The following DLG5 variants were observed in gnomAD, a reference collection of about 807,000 sequenced individuals.
DLG5 encodes the protein discs large MAGUK scaffold protein 5.
In DLG5, 48 loss-of-function variants were observed where a neutral mutation model predicts 189.8. That is an observed-to-expected ratio of 0.25 (90% confidence interval 0.20 to 0.32). The LOEUF (loss-of-function observed/expected upper bound fraction) is 0.32. DLG5 is among the 10% of genes least tolerant of loss of function. The probability of loss-of-function intolerance (pLI) is 1.00; values close to 1 mark genes in which losing one functional copy is unlikely to be tolerated. For missense variants in DLG5, 2,160 were observed against 2,544.7 expected, an observed-to-expected ratio of 0.85 and a Z score of 3.25; for synonymous variants, 1,016 against 1,054.1, an observed-to-expected ratio of 0.96 and a Z score of 0.70.
At chr10:77,840,994 C>T (rs1843389510) in intron 7 of DLG5, among the ~76,000 whole-genome samples, 1 of 152,188 alleles carries the variant, frequency 6.6e-6, no homozygotes. Flanking sequence ...CTTTTTGCTT[C>T]TCATAAACCA....
chr10:77,793,657 C>A lies in DLG5; in HGVS notation c.5656+351G>T, dbSNP rs1398620952. 7 of 281,470 alleles carry A rather than the reference C, an allele frequency of 2.5e-5. No homozygotes were observed. In the Admixed American group the frequency reaches 3.6e-4, roughly 14 times the overall value. The allele number at this position is 281,470 out of a possible 1,614,324, so 17.4% of individuals were successfully genotyped here. On this transcript the variant is annotated intron_variant, in intron 31 of 31. Coordinates refer to ENST00000372391, the MANE Select transcript of DLG5 (RefSeq NM_004747.4). ...GGGCCCCTAGCCTCCGCTGCCCACA[C>A]TGCTGGCACACTGGGGGCTGCTCCA...
At chr10:77,809,866 C>T in intron 23 of DLG5, 136 bp from the exon 24 acceptor site, 1 of 1,031,264 alleles carries the variant, frequency 9.7e-7, no homozygotes, top group Non-Finnish European at 1.4e-6. Flanking sequence ...GAGGTGGCCT[C>T]TAGTTCTACT....
At chr10:77,894,593 C>A (rs1845705553) in intron 1 of DLG5, among the ~76,000 whole-genome samples, 1 of 142,442 alleles carries the variant, frequency 7.0e-6, no homozygotes, top group Non-Finnish European at 1.5e-5. Flanking sequence ...GCTCAGAATC[C>A]CAAGTAACCC....
chr10:77,821,349 A>G lies in DLG5; in HGVS notation c.3135T>C (p.Thr1045=), dbSNP rs777599429. 6.2e-7 allele frequency: 1 copy of G among 1,612,906 alleles called. No homozygotes were observed. The highest frequency in any genetic ancestry group is 1.1e-5 in the South Asian group (1 of 91,082). Residue 1045 remains threonine (T), a synonymous_variant, in exon 15 of 32, where the codon ACT becomes ACC. Coordinates refer to ENST00000372391, the MANE Select transcript of DLG5 (RefSeq NM_004747.4). The stretch of plus-strand genomic sequence containing the variant: ...CAGGGGGCAGGGCGCTCGGGGGACT[A>G]GTGGATGGGGAGCTGCCCACCAGAG... ...EATLVGSSPS[T]SPPSALPPDV... is the part of the protein sequence containing the mutation.
the DLG5 span, among the ~76,000 whole-genome samples, chr10:77,937,837 C>T: frequency 6.7e-6 from 1 of 150,308 alleles, no homozygotes; most frequent in East Asian, 1.9e-4. Context: ...CCTGCCTCAG[C>T]CTCCTGAGTA....
In DLG5 at chr10:77,811,116, G is replaced by T. The variant is rs750293302; in HGVS notation, c.4441C>A (p.Pro1481Thr). ...GACCTGGAGCTGCTCTGCTTGGCTG[G>T]GGGGGTGCTAGGCCCCTCGTCCTGC... Reference protein sequence around the residue: ...MEQDEGPSTPPAKQSSSRIAG... With the variant: ...MEQDEGPSTPTAKQSSSRIAG... The change falls in exon 23 of 32, where the codon CCA becomes ACA. Residue 1481 changes from proline (P) to threonine (T), a missense_variant. Pro to Thr is a conservative substitution (Grantham distance 38, BLOSUM62 -1). Around this residue, in one of 5 missense-constraint regions of DLG5, gnomAD observed 574 missense variants for 644.2 expected, o/e 0.89. Transcript: ENST00000372391. The T allele has an allele frequency of 1.2e-6, 2 of 1,611,926 alleles. No individual in the cohort carries two copies. The highest frequency in any genetic ancestry group is 1.7e-6 in the Non-Finnish European group (2 of 1,179,928).
chr10:77,918,434 G>A (rs1265153186), intron 1 of DLG5, among the ~76,000 whole-genome samples: 1 of 151,946 alleles, frequency 6.6e-6, no homozygotes. Context: ...GGTTCAAATG[G>A]TAAATTTCAT....
chr10:77,837,551 T>C (rs1843207301), intron 7 of DLG5, among the ~76,000 whole-genome samples: 1 of 152,158 alleles, frequency 6.6e-6, no homozygotes, highest in Non-Finnish European at 1.5e-5. Flanking sequence ...TTATAAGGAA[T>C]ACAAGAAGTA....
In DLG5 at chr10:77,809,591, C is replaced by T. The variant is rs770053362; in HGVS notation, c.4603G>A (p.Ala1535Thr). Residue 1535 changes from alanine (A) to threonine (T), a missense_variant, in exon 24 of 32, where the codon GCC (alanine) becomes ACC (threonine). Ala to Thr is a moderately conservative substitution (Grantham distance 58). This residue lies in a region of DLG5 where 574 missense variants were observed against 644.2 expected (regional missense o/e 0.89). Transcript: ENST00000372391. Reference protein sequence around the residue: ...FVAEVEDDSPAKGPDGLVPGD... With the variant: ...FVAEVEDDSPTKGPDGLVPGD... The stretch of plus-strand genomic sequence containing the variant: ...GGCACGAGGCCGTCAGGACCCTTGG[C>T]AGGACTGTCATCCTCCACCTCGGCC... 3 of 1,614,146 alleles carry T rather than the reference C, an allele frequency of 1.9e-6. No homozygotes were observed. The highest frequency in any genetic ancestry group is 2.5e-6 in the Non-Finnish European group (3 of 1,180,014).
At chr10:77,873,218 T>G (rs1844975067) in intron 1 of DLG5, among the ~76,000 whole-genome samples, 1 of 152,116 alleles carries the variant, frequency 6.6e-6, no homozygotes, top group Non-Finnish European at 1.5e-5. Flanking sequence ...ATAAGGAGAT[T>G]CTTTACTATC....
intron 1 of DLG5, among the ~76,000 whole-genome samples, chr10:77,925,581 A>T (rs1846660048): frequency 6.6e-6 from 1 of 152,160 alleles, no homozygotes; most frequent in Admixed American, 6.5e-5. Context: ...TCAGGGAGAG[A>T]ACTTAGCCCC....
At chr10:77,892,721 C>A (rs1845646517) in intron 1 of DLG5, among the ~76,000 whole-genome samples, 1 of 152,220 alleles carries the variant, frequency 6.6e-6, no homozygotes. Context: ...CCTCACAGGG[C>A]CAGGCAGCCA....
Position 77,896,608 on chromosome 10 carries a change from AG to A in DLG5, c.305-27412del, listed in dbSNP as rs373506579. ...GTAATCCCAGCACTTTGGGAGGCCA[AG>A]GGGGGGTGGATCACTGAGGTCAGGA... is the stretch of plus-strand genomic sequence containing the variant. On this transcript the variant is annotated intron_variant, in intron 1 of 31. Coordinates refer to ENST00000372391, the MANE Select transcript of DLG5 (RefSeq NM_004747.4). Among the ~76,000 whole-genome samples, 551 of 152,192 alleles carry A rather than the reference AG, an allele frequency of 3.6e-3. 3 individuals are homozygous for A. The highest frequency in any genetic ancestry group is 0.024 in the South Asian group (117 of 4,816).
intron 1 of DLG5, among the ~76,000 whole-genome samples, chr10:77,902,456 G>A (rs1332167931): frequency 6.6e-6 from 1 of 152,174 alleles, no homozygotes; most frequent in African/African-American, 2.4e-5. Context: ...AGCATGAGGT[G>A]ATGCACCGCA....
chr10:77,793,551 T>G, intron 31 of DLG5: 1 of 126,882 alleles, frequency 7.9e-6, no homozygotes. Flanking sequence ...TTGTTTTGTT[T>G]TTTGTTTTTT....
At chr10:77,801,628 A>G (rs1841209113) in intron 27 of DLG5, among the ~76,000 whole-genome samples, 1 of 152,218 alleles carries the variant, frequency 6.6e-6, no homozygotes, top group African/African-American at 2.4e-5. Flanking sequence ...AAAGAAAACC[A>G]CACGGGGGAA....
At chr10:77,876,683 GAGGAAGGAAGGA>G (rs1425780887) in intron 1 of DLG5, among the ~76,000 whole-genome samples, 1 of 97,298 alleles carries the variant, frequency 1.0e-5, no homozygotes, top group Non-Finnish European at 2.0e-5. Flanking sequence ...TTTTTTCTAA[GAGGAAGGAAGGA>G]AGGAAGGAAG....
chr10:77,906,534 T>C (rs1045265716), intron 1 of DLG5, among the ~76,000 whole-genome samples: 8 of 151,696 alleles, frequency 5.3e-5, no homozygotes, highest in African/African-American at 1.9e-4. Context: ...CAAAATGCCA[T>C]CAATCCCACC....
chr10:77,816,851 C>T (rs1842079730), intron 19 of DLG5, 150 bp from the exon 20 acceptor site: 1 of 1,367,300 alleles, frequency 7.3e-7, no homozygotes, highest in Admixed American at 2.0e-5. Context: ...GCATTGCCCC[C>T]TACCCCCCAC....
Sources: gnomAD v4.1 joint callset for allele counts (sites outside exome capture counted in the v4.1 genomes callset) on GRCh38, gnomAD v4.1.1 for gene constraint, gnomAD v4.1.1 regional missense constraint, MANE v1.5 for transcripts, NCBI Gene and HGNC (gene_info 2026-07-23, HGNC 2026-07-21) for gene names.